FNIP2: variants seen among roughly 807,000 people sequenced by gnomAD.
The protein encoded by FNIP2 is folliculin interacting protein 2.
A neutral mutation model predicts 108.7 loss-of-function variants in FNIP2; 32 were observed. The ratio of observed to expected loss-of-function variants is 0.29; its 90% confidence interval spans 0.22 to 0.40. The LOEUF (loss-of-function observed/expected upper bound fraction) is 0.40. Ranked by LOEUF, FNIP2 falls within the 10% of genes least tolerant of loss-of-function variation. FNIP2 has a pLI of 1.00. For missense variants in FNIP2, 1,202 were observed against 1,381.6 expected (o/e 0.87, Z 2.06); for synonymous variants, 480 against 496.7 (o/e 0.97, Z 0.45).
At chr4:158,842,831 G>A (rs1779202535) in intron 7 of FNIP2, among the ~76,000 whole-genome samples, 1 of 151,994 alleles carries the variant, frequency 6.6e-6, no homozygotes, top group Admixed American at 6.6e-5. Context: ...AAACTTTAAA[G>A]TACCTGTTTG....
intron 15 of FNIP2, chr4:158,893,770 G>A: frequency 7.6e-7 from 1 of 1,307,876 alleles, no homozygotes; most frequent in Non-Finnish European, 1.1e-6. Flanking sequence ...ATAAGTATTT[G>A]CCAAACTTTT....
chr4:158,885,278 AG>A (rs902855544), intron 14 of FNIP2, among the ~76,000 whole-genome samples: 1 of 152,150 alleles, frequency 6.6e-6, no homozygotes, highest in Non-Finnish European at 1.5e-5. Flanking sequence ...TTATAATTGG[AG>A]ATGAGATTTG....
chr4:158,884,275 ATTAGATAT>A (rs1267275959), intron 14 of FNIP2, among the ~76,000 whole-genome samples: 1 of 152,166 alleles, frequency 6.6e-6, no homozygotes, highest in East Asian at 1.9e-4. Flanking sequence ...GCTAGAATGT[ATTAGATAT>A]TTTGCACATG....
intron 7 of FNIP2, among the ~76,000 whole-genome samples, chr4:158,840,900 A>G (rs767902431): frequency 1.4e-4 from 21 of 152,266 alleles, no homozygotes; most frequent in Non-Finnish European, 2.8e-4. Flanking sequence ...AAGTGGTAAA[A>G]TAAAGAAAGT....
At chr4:158,796,550 AG>A (rs1331721692) in intron 1 of FNIP2, among the ~76,000 whole-genome samples, 1 of 152,160 alleles carries the variant, frequency 6.6e-6, no homozygotes, top group Non-Finnish European at 1.5e-5. Flanking sequence ...ATTATTTGCC[AG>A]GTATCATTGT....
intron 1 of FNIP2, among the ~76,000 whole-genome samples, chr4:158,791,924 A>G (rs1008127084): frequency 6.6e-6 from 1 of 152,148 alleles, no homozygotes; most frequent in African/African-American, 2.4e-5. Flanking sequence ...ATAACAGACA[A>G]TGAGATCCGG....
rs1189568260 is a variant in FNIP2, at chr4:158,869,210, C to A, written c.2574C>A (p.Val858=). 1.9e-6 allele frequency: 3 copies of A among 1,613,918 alleles called. No individual in the cohort carries two copies. Among genetic ancestry groups the A allele is most frequent in the Non-Finnish European group, 2.5e-6 (3 of 1,179,904 alleles). ...PVLEPVAPRC[V]QRGPGLVAGA... Reference sequence around the variant, plus strand: ...TGGAGCCTGTTGCCCCCAGGTGTGTCCAGCGGGGCCCTGGCCTCGTGGCTG... The same window carrying A: ...TGGAGCCTGTTGCCCCCAGGTGTGTACAGCGGGGCCCTGGCCTCGTGGCTG... The change falls in exon 13 of 17, where the codon GTC becomes GTA. Residue 858 remains valine (V), a synonymous_variant. Coordinates refer to ENST00000264433, the MANE Select transcript of FNIP2 (RefSeq NM_020840.3).
chr4:158,809,155 C>T (rs1777132177), intron 1 of FNIP2, among the ~76,000 whole-genome samples: 1 of 152,160 alleles, frequency 6.6e-6, no homozygotes, highest in South Asian at 2.1e-4. Flanking sequence ...CTAAAACTCC[C>T]TTCAAATCTA....
At chr4:158,807,269 G>A (rs1349809474) in intron 1 of FNIP2, among the ~76,000 whole-genome samples, 1 of 152,122 alleles carries the variant, frequency 6.6e-6, no homozygotes, top group Non-Finnish European at 1.5e-5. Context: ...AAGCTGAGGT[G>A]GGAGGATCAC....
chr4:158,833,281 TAGA>T (rs1432912240), intron 5 of FNIP2, among the ~76,000 whole-genome samples: 1 of 152,228 alleles, frequency 6.6e-6, no homozygotes, highest in Non-Finnish European at 1.5e-5. Flanking sequence ...ATGAAATTGT[TAGA>T]AGTACAGTTG....
intron 15 of FNIP2, among the ~76,000 whole-genome samples, chr4:158,892,538 A>G (rs1028671791): frequency 6.6e-6 from 1 of 152,224 alleles, no homozygotes; most frequent in African/African-American, 2.4e-5. Context: ...GTATGTGCAG[A>G]GAAATTGAAA....
chr4:158,825,941 A>G lies in FNIP2; in HGVS notation c.133A>G (p.Asn45Asp). 6.2e-7 allele frequency: 1 copy of G among 1,608,160 alleles called. No individual in the cohort carries two copies. Among genetic ancestry groups the G allele is most frequent in the Non-Finnish European group, 8.5e-7 (1 of 1,175,156 alleles). ...FSWSCSEFDL[N>D]EIRLIVYQDC... ...TTGGTCATGTTCGGAGTTTGACCTG[A>G]ATGAGATTCGCCTGATAGTTTACCA... Residue 45 changes from asparagine (N) to aspartate (D), a missense_variant, in exon 2 of 17, where the codon AAT (asparagine) becomes GAT (aspartate). By Grantham distance (23) the Asn-to-Asp change is conservative. Coordinates refer to ENST00000264433, the MANE Select transcript of FNIP2 (RefSeq NM_020840.3).
chr4:158,831,772 G>T, intron 3 of FNIP2, 89 bp from the exon 4 acceptor site: 1 of 806,640 alleles, frequency 1.2e-6, no homozygotes, highest in South Asian at 1.6e-5. Flanking sequence ...AATCACCGAT[G>T]ACACTAACGA....
At chr4:158,799,109 C>G (rs1014670356) in intron 1 of FNIP2, among the ~76,000 whole-genome samples, 4 of 152,094 alleles carry the variant, frequency 2.6e-5, no homozygotes, top group Non-Finnish European at 4.4e-5. Context: ...ACCTTCATGC[C>G]CATGAGGTGG....
chr4:158,773,178 G>A (rs998735658), intron 1 of FNIP2, among the ~76,000 whole-genome samples: 1 of 152,180 alleles, frequency 6.6e-6, no homozygotes, highest in Non-Finnish European at 1.5e-5. Flanking sequence ...ATAAATAGCA[G>A]TTTTGATTTC....
At chr4:158,890,726 C>T (rs1021089628) in intron 14 of FNIP2, among the ~76,000 whole-genome samples, 1 of 152,148 alleles carries the variant, frequency 6.6e-6, no homozygotes, top group Non-Finnish European at 1.5e-5. Context: ...AAATAGGCAA[C>T]AAGGCAATTC....
At chr4:158,780,344 A>G (rs1262229572) in intron 1 of FNIP2, among the ~76,000 whole-genome samples, 2 of 152,226 alleles carry the variant, frequency 1.3e-5, no homozygotes, top group African/African-American at 4.8e-5. Context: ...CTTCCCTGAA[A>G]TCTTTTAGAA....
At chr4:158,791,236 T>A (rs1288352121) in intron 1 of FNIP2, among the ~76,000 whole-genome samples, 2 of 151,318 alleles carry the variant, frequency 1.3e-5, no homozygotes, top group Non-Finnish European at 2.9e-5. Context: ...GACACTCTAG[T>A]CTTTAGATGT....
chr4:158,859,484 TA>T (rs1018893194), intron 9 of FNIP2, 93 bp from the exon 10 acceptor site: 8 of 1,158,374 alleles, frequency 6.9e-6, no homozygotes, highest in African/African-American at 1.6e-5. Flanking sequence ...TGAGTGTTGT[TA>T]ATTGATTACA....
Sources: gnomAD v4.1 joint callset for allele counts (sites outside exome capture counted in the v4.1 genomes callset) on GRCh38, gnomAD v4.1.1 for gene constraint, MANE v1.5 for transcripts, NCBI Gene and HGNC (gene_info 2026-07-23, HGNC 2026-07-21) for gene names.